The following MARCHF8 variants were observed in gnomAD, a reference collection of about 807,000 sequenced individuals.
MARCHF8 encodes E3 ubiquitin-protein ligase MARCHF8.
A neutral mutation model predicts 51.6 loss-of-function variants in MARCHF8; 40 were observed. The ratio of observed to expected loss-of-function variants is 0.77; its 90% CI spans 0.60 to 1.01. The LOEUF is 1.01. Among genes scored for constraint, MARCHF8 ranks in the 50% least tolerant of loss-of-function variants. MARCHF8 has a pLI of 0.00. For missense variants in MARCHF8, 685 were observed against 708.6 expected (o/e 0.97, Z 0.38); for synonymous variants, 263 against 280.3 (o/e 0.94, Z 0.62).
chr10:45,585,107 T>A (rs1461571297), intron 1 of MARCHF8, among the ~76,000 whole-genome samples: 1 of 152,184 alleles, frequency 6.6e-6, no homozygotes, highest in South Asian at 2.1e-4. Context: ...TATAGGACCA[T>A]GAGATTTTAA....
chr10:45,498,499 G>A (rs1252521141), intron 2 of MARCHF8, among the ~76,000 whole-genome samples: 1 of 148,760 alleles, frequency 6.7e-6, no homozygotes, highest in Non-Finnish European at 1.5e-5. Context: ...TTTTTTTTGA[G>A]AAGTCTCGCT....
At chr10:45,578,518 G>A (rs1162458691) in intron 1 of MARCHF8, among the ~76,000 whole-genome samples, 1 of 152,188 alleles carries the variant, frequency 6.6e-6, no homozygotes, top group Non-Finnish European at 1.5e-5. Context: ...CCAATCAATA[G>A]CTACAGAAGG....
In MARCHF8 at chr10:45,546,254, T is replaced by G. The variant is rs371707900; in HGVS notation, c.-78-12965A>C. On this transcript the variant is annotated intron_variant, in intron 1 of 6. Coordinates refer to the MARCHF8 transcript ENST00000319836. ...CGGCTCACTGAAACCTCCACCTTCC[T>G]GGTTCAAGCGATTGCGCTGCCTCAG... Among the ~76,000 whole-genome samples the G allele has an allele frequency of 2.9e-4, 44 of 152,046 alleles. No homozygotes were observed. The South Asian group carries it at 8.7e-3, about 30-fold the overall frequency.
chr10:45,489,361 C>G lies in MARCHF8; in HGVS notation c.153+6G>C. ...TAATAAATAACATTTTTCAGTGGCA[C>G]TCTACCTTAGAAATGTTGCTTGAAT... On this transcript the variant is annotated splice_donor_region_variant and intron_variant, in intron 3 of 7. Coordinates refer to ENST00000453424, the MANE Select transcript of MARCHF8 (RefSeq NM_001282866.2). 1 of 1,610,432 alleles carries G rather than the reference C, an allele frequency of 6.2e-7. No individual in the cohort carries two copies. The highest frequency in any genetic ancestry group is 8.5e-7 in the Non-Finnish European group (1 of 1,177,412).
intron 2 of MARCHF8, among the ~76,000 whole-genome samples, chr10:45,511,953 A>G (rs2043518851): frequency 1.4e-5 from 2 of 144,356 alleles, no homozygotes; most frequent in Non-Finnish European, 3.0e-5. Context: ...CATCCCGTCT[A>G]GGAAGTGAGG....
intron 1 of MARCHF8, among the ~76,000 whole-genome samples, chr10:45,591,228 C>A (rs963405801): frequency 6.6e-6 from 1 of 152,206 alleles, no homozygotes; most frequent in Non-Finnish European, 1.5e-5. Context: ...CCCACAAAGC[C>A]TGTTTGGTGG....
intron 6 of MARCHF8, among the ~76,000 whole-genome samples, chr10:45,460,224 C>T (rs1842744725): frequency 6.6e-6 from 1 of 152,180 alleles, no homozygotes. Flanking sequence ...CTCCCTGCTA[C>T]TTCCTACAAC....
chr10:45,594,575 C>G (rs2044716646), exon 1 of MARCHF8: 1 of 152,186 alleles, frequency 6.6e-6, no homozygotes, highest in African/African-American at 2.4e-5. Flanking sequence ...GCCCGCAGCG[C>G]AGGGATGGGT....
At chr10:45,494,598 A>C (rs1363707669) in intron 2 of MARCHF8, among the ~76,000 whole-genome samples, 1 of 152,248 alleles carries the variant, frequency 6.6e-6, no homozygotes, top group Non-Finnish European at 1.5e-5. Context: ...AAGGAAAACT[A>C]TTAAATATAT....
intron 6 of MARCHF8, chr10:45,460,974 G>T: frequency 2.8e-6 from 1 of 362,284 alleles, no homozygotes; most frequent in Non-Finnish European, 5.0e-6. Flanking sequence ...AAGGCCAGAG[G>T]ACTGACACCG....
At chr10:45,459,783 G>A (rs1319315190) in intron 6 of MARCHF8, 2 of 985,302 alleles carry the variant, frequency 2.0e-6, no homozygotes, top group Admixed American at 6.1e-5. Flanking sequence ...CGAAATCGAC[G>A]CTAAGAGTTC....
chr10:45,543,613 A>G (rs538562702), intron 1 of MARCHF8, among the ~76,000 whole-genome samples: 20 of 151,890 alleles, frequency 1.3e-4, no homozygotes, highest in African/African-American at 4.8e-4. Flanking sequence ...CCTGGTCAAC[A>G]TGGTGAAACC....
At chr10:45,510,362 T>C (rs1442454359) in intron 2 of MARCHF8, among the ~76,000 whole-genome samples, 1 of 152,226 alleles carries the variant, frequency 6.6e-6, no homozygotes, top group Non-Finnish European at 1.5e-5. Context: ...GGGAAAATTA[T>C]GACATAATCT....
At chr10:45,558,931 G>T (rs530836337) in intron 1 of MARCHF8, among the ~76,000 whole-genome samples, 2 of 152,122 alleles carry the variant, frequency 1.3e-5, no homozygotes, top group Non-Finnish European at 2.9e-5. Context: ...TCAGAAAAAA[G>T]AATTTATAAT....
intron 1 of MARCHF8, among the ~76,000 whole-genome samples, chr10:45,534,144 C>T (rs756445338): frequency 1.3e-5 from 2 of 152,080 alleles, no homozygotes; most frequent in Non-Finnish European, 2.9e-5. Flanking sequence ...GATCGCACCA[C>T]TGCACTCCAG....
At chr10:45,509,468 T>C (rs1205804994) in intron 2 of MARCHF8, among the ~76,000 whole-genome samples, 1 of 152,210 alleles carries the variant, frequency 6.6e-6, no homozygotes, top group Non-Finnish European at 1.5e-5. Flanking sequence ...ACGTAATAAA[T>C]ATTCTATTTT....
intron 3 of MARCHF8, among the ~76,000 whole-genome samples, chr10:45,470,318 G>A (rs1406830640): frequency 6.6e-6 from 1 of 152,194 alleles, no homozygotes; most frequent in Non-Finnish European, 1.5e-5. Flanking sequence ...CCTAAAGCTT[G>A]AGGACTGAGG....
rs557823832 is a variant in MARCHF8, at chr10:45,462,846, A to C, written c.1088+305T>G. ...TCGCCACGTTGGCCAAGCTGGTCTC[A>C]AACTCCTGACCTCAGGTGATCCACC... On this transcript the variant is annotated intron_variant, in intron 5 of 7. Coordinates refer to ENST00000453424, the MANE Select transcript of MARCHF8 (RefSeq NM_001282866.2). Among the ~76,000 whole-genome samples the C allele has an allele frequency of 1.7e-3, 265 of 152,132 alleles. 3 individuals are homozygous for C. Among genetic ancestry groups the C allele is most frequent in the African/African-American group, 5.3e-3 (220 of 41,484 alleles).
At chr10:45,514,370 C>T (rs71496605) in intron 2 of MARCHF8, among the ~76,000 whole-genome samples, 9,375 of 152,302 alleles carry the variant, frequency 0.062, 330 homozygotes, top group Non-Finnish European at 0.067. Flanking sequence ...CATTGGTGTG[C>T]GCTCAGTGCA....
Sources: allele counts gnomAD v4.1 joint callset (sites outside exome capture counted in the v4.1 genomes callset), GRCh38; gene constraint gnomAD v4.1.1; transcripts MANE v1.5; gene names NCBI Gene and HGNC (gene_info 2026-07-23, HGNC 2026-07-21).